Variants in SLC36A4 observed in about 807,000 individuals in gnomAD.
SLC36A4 encodes the protein neutral amino acid uniporter 4.
Under a neutral mutation model 50.5 loss-of-function variants are expected in SLC36A4, and 49 were observed. The ratio of observed to expected loss-of-function variants is 0.97; its 90% CI spans 0.77 to 1.23. The LOEUF is 1.23. Ranked by LOEUF, SLC36A4 falls within the 50% of genes most tolerant of loss-of-function variation. The probability of loss-of-function intolerance (pLI) is 0.00; values close to 1 mark genes in which losing one functional copy is unlikely to be tolerated. For synonymous variants in SLC36A4, 207 were observed against 206.5 expected (o/e 1.00, Z -0.02); for missense variants, 611 against 608.4 (o/e 1.00, Z -0.05).
intron 9 of SLC36A4, among the ~76,000 whole-genome samples, chr11:93,157,682 G>A (rs1191020168): frequency 6.6e-6 from 1 of 152,126 alleles, no homozygotes; most frequent in East Asian, 1.9e-4. Flanking sequence ...TGTTATTGGT[G>A]TATAGAAATG....
intron 1 of SLC36A4, among the ~76,000 whole-genome samples, chr11:93,195,012 C>A (rs568003068): frequency 2.0e-5 from 3 of 152,138 alleles, no homozygotes; most frequent in African/African-American, 7.2e-5. Context: ...CCGGAGCCCT[C>A]AGTTTTGTGC....
At chr11:93,184,575 A>G in intron 2 of SLC36A4, 55 bp from the exon 3 acceptor site, 1 of 1,073,334 alleles carries the variant, frequency 9.3e-7, no homozygotes. Context: ...CTATTATAAC[A>G]TGATCATGGT....
chr11:93,160,573 A>C, intron 9 of SLC36A4: 1 of 985,392 alleles, frequency 1.0e-6, no homozygotes, highest in Non-Finnish European at 1.2e-6. Flanking sequence ...TCCAAGATTG[A>C]GTTGTGAATA....
At chr11:93,192,114 CAG>C (rs1862240195) in intron 1 of SLC36A4, among the ~76,000 whole-genome samples, 1 of 152,040 alleles carries the variant, frequency 6.6e-6, no homozygotes, top group African/African-American at 2.4e-5. Context: ...ATAAGTAAAA[CAG>C]AGATAAGTTG....
chr11:93,186,467 T>G (rs1286951308), intron 1 of SLC36A4, among the ~76,000 whole-genome samples: 1 of 152,212 alleles, frequency 6.6e-6, no homozygotes, highest in Admixed American at 6.5e-5. Flanking sequence ...GTTGTTCTAG[T>G]GGTTTCTTTG....
At chr11:93,180,654 G>C (rs1275513021) in intron 6 of SLC36A4, 143 bp downstream of exon 6, 10 of 701,996 alleles carry the variant, frequency 1.4e-5, no homozygotes, top group Non-Finnish European at 2.2e-5. Context: ...CAAGAAAAAA[G>C]ACTAAAGGAA....
rs1004758035 is a variant in SLC36A4 at position 93,146,556 on chromosome 11, A to C, written c.*1981T>G. The C allele has an allele frequency of 6.6e-6, 1 of 152,052 alleles. No homozygotes were observed. Among genetic ancestry groups the C allele is most frequent in the Non-Finnish European group, 1.5e-5 (1 of 67,964 alleles). 9.4% of individuals were successfully genotyped at this position (152,052 alleles called of 1,614,324 possible). A position where few individuals can be genotyped will look rare whatever the true frequency, so the allele number is the denominator to read the frequency against. ...TTTGATTCTTATGACTTTGTACCAA[A>C]ATAAAGCTTCTGATATATCTTTAGG... On this transcript the variant is annotated 3_prime_UTR_variant, in exon 11 of 11. Transcript: ENST00000326402.
At chr11:93,189,978 T>C (rs1590988613) in intron 1 of SLC36A4, among the ~76,000 whole-genome samples, 1 of 152,212 alleles carries the variant, frequency 6.6e-6, no homozygotes, top group Non-Finnish European at 1.5e-5. Context: ...AGTATTACAA[T>C]GTTCAGAATC....
At chr11:93,183,966 G>A (rs1261271236) in intron 3 of SLC36A4, among the ~76,000 whole-genome samples, 2 of 152,106 alleles carry the variant, frequency 1.3e-5, no homozygotes, top group Admixed American at 6.5e-5. Context: ...CCAGAGTGCT[G>A]GGATTACAGG....
At chr11:93,172,691 C>T (rs1423738056) in intron 6 of SLC36A4, among the ~76,000 whole-genome samples, 8 of 137,940 alleles carry the variant, frequency 5.8e-5, no homozygotes, top group Admixed American at 4.5e-4. Context: ...TGAGAATATG[C>T]GGTGTTTGGT....
rs1449412979 is a variant in SLC36A4, at chr11:93,162,810, C to T, written c.933G>A (p.Met311Ile). ...TTACATACAAAGTTGTAACAATCCC[C>T]ATGCCAATATTCAACGCTTGAGGGA... is the stretch of plus-strand genomic sequence containing the variant. ...KRFPQALNIGMGIVTTLYVTL... is the reference protein window; with the variant it reads ...KRFPQALNIGIGIVTTLYVTL... The change falls in exon 9 of 11, where the codon ATG becomes ATA. Residue 311 changes from methionine (M) to isoleucine (I), a missense_variant. Met to Ile is a conservative substitution (Grantham distance 10). Coordinates refer to ENST00000326402, the MANE Select transcript of SLC36A4 (RefSeq NM_152313.4). The T allele has an allele frequency of 1.2e-6, 2 of 1,613,708 alleles. No individual in the cohort carries two copies. The highest frequency in any genetic ancestry group is 1.7e-6 in the Non-Finnish European group (2 of 1,179,908).
chr11:93,184,395 G>T, intron 3 of SLC36A4, 35 bp downstream of exon 3: 2 of 1,280,634 alleles, frequency 1.6e-6, no homozygotes, highest in Non-Finnish European at 2.3e-6. Flanking sequence ...ACTGAGAACT[G>T]CATCTTAACT....
chr11:93,153,609 G>A (rs1860207551), intron 10 of SLC36A4, among the ~76,000 whole-genome samples: 1 of 151,936 alleles, frequency 6.6e-6, no homozygotes, highest in South Asian at 2.1e-4. Context: ...CCTTGAGAAG[G>A]CATTTTATGA....
chr11:93,185,846 T>C, intron 1 of SLC36A4, 32 bp from the exon 2 acceptor site: 1 of 1,538,752 alleles, frequency 6.5e-7, no homozygotes, highest in South Asian at 1.3e-5. Flanking sequence ...TACTTCACTA[T>C]TGCTTAAAAA....
intron 10 of SLC36A4, 43 bp from the exon 11 acceptor site, chr11:93,148,887 G>GT: frequency 1.3e-6 from 2 of 1,510,602 alleles, no homozygotes; most frequent in Non-Finnish European, 1.8e-6. Flanking sequence ...TTAAATGTTT[G>GT]TTACTTACAT....
At position 93,184,489 on chromosome 11, in the gene SLC36A4, CT is replaced by C; in HGVS notation, c.210del (p.Gly71GlufsTer8). ...SFVQTLMHLL[K>X]GNIGTGLLGL... ...CCTAAAAGGCCAGTTCCAATATTTC[CT>C]TTAAGAAGGTGCATAAGAGTTTGTA... On this transcript the variant is annotated frameshift_variant, in exon 3 of 11. Coordinates refer to ENST00000326402, the MANE Select transcript of SLC36A4 (RefSeq NM_152313.4). LOFTEE classifies it high-confidence loss of function. 1 of 1,611,046 alleles carries C rather than the reference CT, an allele frequency of 6.2e-7. No individual in the cohort carries two copies. The highest frequency in any genetic ancestry group is 8.5e-7 in the Non-Finnish European group (1 of 1,177,772).
chr11:93,160,245 A>C, intron 9 of SLC36A4: 1 of 985,436 alleles, frequency 1.0e-6, no homozygotes, highest in Non-Finnish European at 1.2e-6. Flanking sequence ...TGCATAGGGC[A>C]TATCTCCACA....
intron 10 of SLC36A4, 82 bp downstream of exon 10, chr11:93,154,026 T>G: frequency 1.5e-6 from 1 of 657,538 alleles, no homozygotes; most frequent in Non-Finnish European, 2.3e-6. Flanking sequence ...TAGCTTTCAT[T>G]TTAAGAAATT....
intron 10 of SLC36A4, 101 bp from the exon 11 acceptor site, chr11:93,148,945 T>A (rs2134621368): frequency 8.7e-7 from 1 of 1,143,992 alleles, no homozygotes; most frequent in Non-Finnish European, 1.2e-6. Flanking sequence ...TTACTAGAAA[T>A]AATTAATGAA....
Sources: gnomAD v4.1 joint callset for allele counts (sites outside exome capture counted in the v4.1 genomes callset) on GRCh38, gnomAD v4.1.1 for gene constraint, MANE v1.5 for transcripts, NCBI Gene and HGNC (gene_info 2026-07-23, HGNC 2026-07-21) for gene names.